Variants in WASHC2C observed in about 807,000 individuals in gnomAD.
WASHC2C encodes the protein Vaccinia Penetration Factor.
Under a neutral mutation model 142.2 loss-of-function variants are expected in WASHC2C, and 73 were observed. That is an observed-to-expected ratio of 0.51 (90% CI 0.43 to 0.62). The LOEUF (loss-of-function observed/expected upper bound fraction) is 0.62. Among genes scored for constraint, WASHC2C ranks in the 20% least tolerant of loss-of-function variants. The probability of loss-of-function intolerance (pLI) is 0.00; values close to 1 mark genes in which losing one functional copy is unlikely to be tolerated. For synonymous variants in WASHC2C, 337 were observed against 565.5 expected, an observed-to-expected ratio of 0.60 and a Z score of 5.73; for missense variants, 969 against 1,531.7, an observed-to-expected ratio of 0.63 and a Z score of 6.13.
At position 45,752,678 on chromosome 10, in the gene WASHC2C, A is replaced by G; in HGVS notation, c.1094A>G (p.Lys365Arg). The G allele has an allele frequency of 6.2e-7, 1 of 1,609,838 alleles. No individual in the cohort carries two copies. Among genetic ancestry groups the G allele is most frequent in the East Asian group, 2.2e-5 (1 of 44,760 alleles). The change falls in exon 12 of 31, where the codon AAG becomes AGG. Residue 365 changes from lysine (K) to arginine (R), a missense_variant. Coordinates refer to ENST00000623400, the MANE Select transcript of WASHC2C (RefSeq NM_001330074.2). ...GSGGGLFSGG[K>R]GLFDDEDEES... ...GGAGGTGGCCTGTTCAGTGGCGGCA[A>G]GGGGCTATTTGATGATGAGGACGAG...
chr10:45,766,137 A>G (rs1370088897), intron 19 of WASHC2C, among the ~76,000 whole-genome samples: 56 of 152,004 alleles, frequency 3.7e-4, no homozygotes, highest in Non-Finnish European at 8.2e-4. Context: ...CAGATTAACC[A>G]GAGAAAAGTG....
Position 45,753,366 on chromosome 10 carries a change from CG to C in WASHC2C, c.1180+131del, listed in dbSNP as rs1222682121. On this transcript the variant is annotated intron_variant, in intron 13 of 30. Transcript: ENST00000623400. ...AAGCAAGAAGCTGTTGTTTTTACTG[CG>C]GTCCAGTTGAAAGTAATTCATCTTC... 3 of 1,006,450 alleles carry C rather than the reference CG, an allele frequency of 3.0e-6. No homozygotes were observed. In the East Asian group the frequency reaches 9.2e-5, roughly 31 times the overall value. The allele number at this position is 1,006,450 out of a possible 1,614,324, so 62.3% of individuals were successfully genotyped here.
chr10:45,761,463 T>C (rs1383446555), intron 17 of WASHC2C, among the ~76,000 whole-genome samples: 1 of 152,334 alleles, frequency 6.6e-6, no homozygotes, highest in African/African-American at 2.4e-5. Flanking sequence ...GTAAATGTAC[T>C]CTCAGACTTG....
intron 3 of WASHC2C, among the ~76,000 whole-genome samples, chr10:45,737,768 ATTTT>A (rs782072881): frequency 3.7e-5 from 5 of 135,742 alleles, no homozygotes; most frequent in Admixed American, 7.5e-5. Flanking sequence ...TTGTATTTAA[ATTTT>A]TTTTTTTTTT....
At chr10:45,753,426 T>A (rs1285676100) in intron 13 of WASHC2C, among the ~76,000 whole-genome samples, 189 bp downstream of exon 13, 11 of 143,412 alleles carry the variant, frequency 7.7e-5, no homozygotes, top group African/African-American at 3.0e-4. Context: ...CAGTACCATC[T>A]GTAAACCCAT....
At chr10:45,753,605 AT>A (rs1214242284) in intron 13 of WASHC2C, among the ~76,000 whole-genome samples, 1 of 141,552 alleles carries the variant, frequency 7.1e-6, no homozygotes, top group Non-Finnish European at 1.5e-5. Context: ...CCCAGTGTGC[AT>A]TAAAATCATC....
chr10:45,754,101 C>T (rs1411952386), intron 13 of WASHC2C, among the ~76,000 whole-genome samples: 1 of 151,902 alleles, frequency 6.6e-6, no homozygotes, highest in Admixed American at 6.5e-5. Context: ...CATGTTTTTG[C>T]GGTTCTTTTT....
intron 23 of WASHC2C, among the ~76,000 whole-genome samples, chr10:45,782,388 CA>C (rs2057579381): frequency 7.0e-6 from 1 of 143,800 alleles, no homozygotes; most frequent in Non-Finnish European, 1.5e-5. Context: ...TCAGGGAAGC[CA>C]AAACCACAGT....
intron 19 of WASHC2C, among the ~76,000 whole-genome samples, chr10:45,768,214 A>G (rs2056152394): frequency 6.6e-6 from 1 of 151,434 alleles, no homozygotes; most frequent in African/African-American, 2.4e-5. Context: ...GCCACAGAGC[A>G]AGACTCTGTC....
At chr10:45,758,530 C>T (rs540512322) in intron 16 of WASHC2C, among the ~76,000 whole-genome samples, 50 of 152,052 alleles carry the variant, frequency 3.3e-4, no homozygotes, top group African/African-American at 1.1e-3. Context: ...CCCTCCTTCC[C>T]CGATTTTTAG....
chr10:45,772,035 A>G (rs1440276586), intron 20 of WASHC2C, among the ~76,000 whole-genome samples: 3 of 152,278 alleles, frequency 2.0e-5, no homozygotes, highest in East Asian at 1.9e-4. Flanking sequence ...AACAAAATGT[A>G]TAACCATACG....
At chr10:45,738,334 C>T (rs1218770287) in intron 4 of WASHC2C, among the ~76,000 whole-genome samples, 1 of 150,534 alleles carries the variant, frequency 6.6e-6, no homozygotes, top group Non-Finnish European at 1.5e-5. Flanking sequence ...TCACAGAGGT[C>T]ATTTTTTTCC....
intron 26 of WASHC2C, 155 bp downstream of exon 26, chr10:45,785,786 C>T: frequency 2.2e-6 from 3 of 1,337,886 alleles, no homozygotes; most frequent in Non-Finnish European, 3.1e-6. Context: ...TCCCCCGAGT[C>T]ATCTCCCCTC....
intron 3 of WASHC2C, among the ~76,000 whole-genome samples, chr10:45,731,952 A>G (rs1257943663): frequency 1.3e-5 from 2 of 151,084 alleles, no homozygotes; most frequent in African/African-American, 4.9e-5. Context: ...CCGCCACCAC[A>G]CCTGGCTAAT....
At chr10:45,788,110 CT>C (rs553017058) in intron 28 of WASHC2C, among the ~76,000 whole-genome samples, 6 of 151,488 alleles carry the variant, frequency 4.0e-5, no homozygotes, top group Admixed American at 1.3e-4. Flanking sequence ...TTTTCATTGG[CT>C]TTTTTTTTAT....
intron 30 of WASHC2C, among the ~76,000 whole-genome samples, chr10:45,792,018 C>T (rs1201744163): frequency 1.4e-5 from 2 of 145,228 alleles, no homozygotes; most frequent in Non-Finnish European, 3.1e-5. Context: ...GTCCTGCACA[C>T]GCACATACAT....
intron 19 of WASHC2C, among the ~76,000 whole-genome samples, chr10:45,769,162 G>A (rs2056299496): frequency 6.6e-6 from 1 of 151,916 alleles, no homozygotes; most frequent in South Asian, 2.1e-4. Flanking sequence ...CTGTCCCCCA[G>A]GCTGGAGTGC....
chr10:45,786,770 C>T, intron 27 of WASHC2C, 96 bp downstream of exon 27: 2 of 1,602,966 alleles, frequency 1.2e-6, no homozygotes, highest in Non-Finnish European at 1.7e-6. Flanking sequence ...AACATCTTCT[C>T]ATCTCTTCCC....
chr10:45,746,435 C>T (rs2134435749), intron 7 of WASHC2C, among the ~76,000 whole-genome samples, 165 bp from the exon 8 acceptor site: 1 of 152,342 alleles, frequency 6.6e-6, no homozygotes, highest in East Asian at 1.9e-4. Context: ...CTTATCTGCA[C>T]CTTGATACTT....
Sources: gnomAD v4.1 joint callset for allele counts (sites outside exome capture counted in the v4.1 genomes callset) on GRCh38, gnomAD v4.1.1 for gene constraint, MANE v1.5 for transcripts, NCBI Gene and HGNC (gene_info 2026-07-23, HGNC 2026-07-21) for gene names.